BRD4: variants seen among roughly 807,000 people sequenced by gnomAD.
BRD4 encodes bromodomain-containing protein 4.
A neutral mutation model predicts 142.1 loss-of-function variants in BRD4; 16 were observed. The ratio of observed to expected loss-of-function variants is 0.11; its 90% CI spans 0.08 to 0.17. BRD4 has a LOEUF of 0.17. Ranked by LOEUF, BRD4 falls within the 10% of genes least tolerant of loss-of-function variation. The probability of loss-of-function intolerance (pLI) is 1.00; values close to 1 mark genes in which losing one functional copy is unlikely to be tolerated. For synonymous variants in BRD4, 833 were observed against 707.5 expected, an observed-to-expected ratio of 1.18 and a Z score of -2.82; for missense variants, 1,424 against 1,810.9, an observed-to-expected ratio of 0.79 and a Z score of 3.88.
intron 1 of BRD4, among the ~76,000 whole-genome samples, chr19:15,286,214 C>T (rs1422747562): frequency 6.6e-6 from 1 of 152,190 alleles, no homozygotes; most frequent in Non-Finnish European, 1.5e-5. Flanking sequence ...TCCCCTCCAC[C>T]CCGAGCAGAT....
At chr19:15,280,533 C>A (rs79111137) in intron 1 of BRD4, 14,099 of 808,330 alleles carry the variant, frequency 0.017, 149 homozygotes, top group Non-Finnish European at 0.02. Context: ...TATCCCGTGT[C>A]ATAGGTGAAA....
At chr19:15,302,165 T>C (rs1199956467) in intron 1 of BRD4, among the ~76,000 whole-genome samples, 1 of 146,376 alleles carries the variant, frequency 6.8e-6, no homozygotes, top group Non-Finnish European at 1.5e-5. Context: ...GGACTTCATC[T>C]CAAAAAAAAA....
intron 1 of BRD4, among the ~76,000 whole-genome samples, chr19:15,321,041 C>G (rs1161210570): frequency 1.3e-5 from 2 of 152,176 alleles, no homozygotes; most frequent in African/African-American, 4.8e-5. Context: ...TGAGACCAGC[C>G]TGGCCAACGG....
chr19:15,278,875 CTT>C (rs1369894993), intron 1 of BRD4, among the ~76,000 whole-genome samples: 1 of 151,664 alleles, frequency 6.6e-6, no homozygotes, highest in African/African-American at 2.4e-5. Flanking sequence ...GAGTTTTGCT[CTT>C]GTTGCCCAGG....
chr19:15,325,997 CAAAAA>C (rs35801340), intron 1 of BRD4, among the ~76,000 whole-genome samples: 5 of 50,708 alleles, frequency 9.9e-5, no homozygotes, highest in South Asian at 7.8e-4. Context: ...GACTCCGTCT[CAAAAA>C]AAAAAAAAAA....
chr19:15,237,649 A>G lies in BRD4; in HGVS notation c.*728T>C. Reference sequence around the variant, plus strand: ...AAAAAAAGAAAAAAAAAAACGAAACAGAAACACAGGTGGGAAGGAACTGAC... The same window carrying G: ...AAAAAAAGAAAAAAAAAAACGAAACGGAAACACAGGTGGGAAGGAACTGAC... On this transcript the variant is annotated 3_prime_UTR_variant, in exon 20 of 20. Coordinates refer to ENST00000679869, the MANE Select transcript of BRD4 (RefSeq NM_001379291.1). 4.3e-6 allele frequency: 1 copy of G among 231,854 alleles called. No individual in the cohort carries two copies. Among genetic ancestry groups the G allele is most frequent in the Non-Finnish European group, 8.5e-6 (1 of 117,402 alleles). 14.4% of individuals were successfully genotyped at this position (231,854 alleles called of 1,614,324 possible).
intron 1 of BRD4, among the ~76,000 whole-genome samples, chr19:15,297,300 C>A (rs997932319): frequency 1.3e-5 from 2 of 152,176 alleles, no homozygotes; most frequent in African/African-American, 4.8e-5. Context: ...GACTGCAGAG[C>A]CTTCCAAGCT....
intron 1 of BRD4, among the ~76,000 whole-genome samples, chr19:15,307,794 C>T (rs2047927134): frequency 6.6e-6 from 1 of 152,050 alleles, no homozygotes; most frequent in Non-Finnish European, 1.5e-5. Flanking sequence ...GGAGTGGGTA[C>T]TACCAGATTG....
intron 3 of BRD4, among the ~76,000 whole-genome samples, 161 bp from the exon 4 acceptor site, chr19:15,267,712 C>T (rs1275476509): frequency 6.6e-6 from 1 of 151,902 alleles, no homozygotes; most frequent in Admixed American, 6.6e-5. Flanking sequence ...GGCTACACTA[C>T]CAGGTATCAC....
At chr19:15,242,861 C>A (rs1376525687) in intron 14 of BRD4, 39 bp downstream of exon 14, 2 of 1,575,850 alleles carry the variant, frequency 1.3e-6, no homozygotes, top group East Asian at 2.3e-5. Context: ...ATAGGCCCAG[C>A]ACCAGCCTCC....
At chr19:15,261,536 G>A (rs1018524361) in intron 7 of BRD4, among the ~76,000 whole-genome samples, 7 of 152,106 alleles carry the variant, frequency 4.6e-5, no homozygotes, top group African/African-American at 1.7e-4. Flanking sequence ...CTCCTTCAAG[G>A]ATGGGAAATG....
At position 15,237,017 on chromosome 19, in the gene BRD4, T is replaced by TAAAAAAAAAA. The variant is rs762817978; in HGVS notation, c.*1350_*1359dup. ...CACCAGGGGCTCCAATTATAAAAAT[T>TAAAAAAAAAA]AAAAAAAAAAAAAAAAAAAAGCATG... On this transcript the variant is annotated 3_prime_UTR_variant, in exon 20 of 20. Transcript: ENST00000679869. 1 of 111,382 alleles carries TAAAAAAAAAA rather than the reference T, an allele frequency of 9.0e-6. No homozygotes were observed. The allele number at this position is 111,382 out of a possible 1,614,324, so 6.9% of individuals were successfully genotyped here.
chr19:15,332,192 C>T (rs987692882), intron 1 of BRD4, 98 bp downstream of exon 1: 2 of 146,496 alleles, frequency 1.4e-5, no homozygotes, highest in African/African-American at 2.5e-5. Flanking sequence ...GTGGCGGCGC[C>T]CCGGCCCCAT....
chr19:15,280,128 A>C (rs1297200014), intron 1 of BRD4: 1 of 470,570 alleles, frequency 2.1e-6, no homozygotes, highest in Non-Finnish European at 2.8e-6. Flanking sequence ...AACCCTAAAA[A>C]GCAGGCTGCG....
At chr19:15,259,751 T>C (rs933898706) in intron 7 of BRD4, among the ~76,000 whole-genome samples, 12 of 152,136 alleles carry the variant, frequency 7.9e-5, no homozygotes, top group African/African-American at 1.9e-4. Context: ...AGCTTGATGG[T>C]AGACAGGAAT....
intron 8 of BRD4, 66 bp downstream of exon 8, chr19:15,256,898 C>A (rs562568809): frequency 1.4e-6 from 2 of 1,414,924 alleles, no homozygotes; most frequent in South Asian, 1.4e-5. Context: ...CTCTTAGAAA[C>A]TTCTGGGGAG....
intron 1 of BRD4, among the ~76,000 whole-genome samples, chr19:15,309,777 G>A (rs568120090): frequency 3.6e-4 from 55 of 152,328 alleles, no homozygotes; most frequent in African/African-American, 1.3e-3. Context: ...AAACCGGGTA[G>A]TGTGGCAATC....
chr19:15,323,732 C>T (rs2048084462), intron 1 of BRD4, among the ~76,000 whole-genome samples: 1 of 152,186 alleles, frequency 6.6e-6, no homozygotes. Flanking sequence ...TCCTGACTAA[C>T]AGCAGCTAGG....
At chr19:15,309,932 T>C (rs1158024833) in intron 1 of BRD4, among the ~76,000 whole-genome samples, 2 of 152,170 alleles carry the variant, frequency 1.3e-5, no homozygotes, top group Non-Finnish European at 2.9e-5. Context: ...CTTGCCAATC[T>C]GGCTTCACCG....
Sources: gnomAD v4.1 joint callset for allele counts (sites outside exome capture counted in the v4.1 genomes callset) on GRCh38, gnomAD v4.1.1 for gene constraint, MANE v1.5 for transcripts, NCBI Gene and HGNC (gene_info 2026-07-23, HGNC 2026-07-21) for gene names.